The following HPSE2 variants were observed in gnomAD, a reference collection of about 807,000 sequenced individuals.
HPSE2 encodes the protein heparanase 2 (inactive).
A neutral mutation model predicts 60.5 loss-of-function variants in HPSE2; 38 were observed. That is an observed-to-expected ratio of 0.63 (90% CI 0.48 to 0.82). The LOEUF is 0.82. Ranked by LOEUF, HPSE2 falls within the 40% of genes least tolerant of loss-of-function variation. The pLI, the probability that HPSE2 is intolerant of heterozygous loss-of-function variation, is 0.00. For missense variants in HPSE2, 713 were observed against 740.4 expected, an observed-to-expected ratio of 0.96 and a Z score of 0.43; for synonymous variants, 295 against 293.2, an observed-to-expected ratio of 1.01 and a Z score of -0.06.
At chr10:98,914,494 T>C (rs941040966) in intron 3 of HPSE2, among the ~76,000 whole-genome samples, 1 of 151,224 alleles carries the variant, frequency 6.6e-6, no homozygotes, top group Non-Finnish European at 1.5e-5. Context: ...GAAGGAACTA[T>C]AAAATAAAAA....
chr10:99,295,585 T>C, the HPSE2 span, among the ~76,000 whole-genome samples: 2 of 152,218 alleles, frequency 1.3e-5, no homozygotes, highest in Non-Finnish European at 2.9e-5. Flanking sequence ...TAATACTGTA[T>C]TTAACTTTTT....
At chr10:99,245,320 A>T in the HPSE2 span, among the ~76,000 whole-genome samples, 1 of 152,172 alleles carries the variant, frequency 6.6e-6, no homozygotes, top group African/African-American at 2.4e-5. Flanking sequence ...TTGGTTTCTA[A>T]TTTCAGAGAG....
chr10:98,515,655 C>T (rs716838), intron 9 of HPSE2, among the ~76,000 whole-genome samples: 80,630 of 151,942 alleles, frequency 0.53, 22,841 homozygotes, highest in South Asian at 0.66. Flanking sequence ...AGCAGGATTA[C>T]AGAGCATTTT....
chr10:99,280,367 T>G, the HPSE2 span, among the ~76,000 whole-genome samples: 1 of 152,186 alleles, frequency 6.6e-6, no homozygotes, highest in East Asian at 1.9e-4. Flanking sequence ...CTGCAACTTT[T>G]AAAGCACACT....
intron 2 of HPSE2, among the ~76,000 whole-genome samples, chr10:99,213,186 AT>A (rs1194680731): frequency 6.6e-6 from 1 of 152,002 alleles, no homozygotes; most frequent in Non-Finnish European, 1.5e-5. Context: ...TAAGAATGAA[AT>A]TTTTTTTCTA....
chr10:98,702,781 C>T (rs182155349), intron 5 of HPSE2, among the ~76,000 whole-genome samples: 2 of 151,002 alleles, frequency 1.3e-5, no homozygotes, highest in Non-Finnish European at 3.0e-5. Context: ...TGGGACACAG[C>T]TAGAGCAGAG....
rs1375846957 is a variant in HPSE2 at position 98,940,776 on chromosome 10, AC to A, written c.611-196721del. ...GATACCAAAGCTGGGCAGAGACACA[AC>A]CAAAAAAGAGAATTTTAAACCAATA... On this transcript the variant is annotated intron_variant, in intron 3 of 11. Coordinates refer to ENST00000370552, the MANE Select transcript of HPSE2 (RefSeq NM_021828.5). Among the ~76,000 whole-genome samples the A allele has an allele frequency of 2.1e-5, 3 of 142,374 alleles. 1 individual carries two copies. Among genetic ancestry groups the A allele is most frequent in the African/African-American group, 8.7e-5 (3 of 34,330 alleles). The allele number at this position is 142,374 out of a possible 152,430, so 93.4% of individuals were successfully genotyped here.
intron 3 of HPSE2, among the ~76,000 whole-genome samples, chr10:99,060,366 A>C (rs1958209808): frequency 6.6e-6 from 1 of 152,140 alleles, no homozygotes; most frequent in Non-Finnish European, 1.5e-5. Flanking sequence ...CCTTCATAAA[A>C]AACAAAAATA....
intron 6 of HPSE2, among the ~76,000 whole-genome samples, chr10:98,648,452 G>A (rs1332154497): frequency 6.6e-6 from 1 of 152,124 alleles, no homozygotes; most frequent in African/African-American, 2.4e-5. Context: ...CTTAACACAA[G>A]TTGTGGGGCC....
chr10:99,067,347 T>A (rs898256856), intron 3 of HPSE2, among the ~76,000 whole-genome samples: 1 of 152,158 alleles, frequency 6.6e-6, no homozygotes, highest in Non-Finnish European at 1.5e-5. Flanking sequence ...CTCTGGAGAC[T>A]CTGTGTGGGG....
intron 9 of HPSE2, among the ~76,000 whole-genome samples, chr10:98,511,770 G>A (rs1378070533): frequency 2.0e-5 from 3 of 152,134 alleles, no homozygotes; most frequent in Non-Finnish European, 2.9e-5. Flanking sequence ...TGAAGCTGTT[G>A]AGAATGAAAT....
At chr10:99,225,370 A>T (rs1486771590) in intron 2 of HPSE2, among the ~76,000 whole-genome samples, 1 of 151,996 alleles carries the variant, frequency 6.6e-6, no homozygotes, top group Non-Finnish European at 1.5e-5. Context: ...GGGCCCCATT[A>T]ATCTTCCCAG....
At chr10:98,480,438 G>A (rs1941190716) in intron 11 of HPSE2, among the ~76,000 whole-genome samples, 1 of 152,076 alleles carries the variant, frequency 6.6e-6, no homozygotes, top group Non-Finnish European at 1.5e-5. Flanking sequence ...TTATGGTGAT[G>A]GCAAAAGTTG....
intron 9 of HPSE2, among the ~76,000 whole-genome samples, chr10:98,545,713 A>C (rs1943648085): frequency 6.6e-6 from 1 of 151,914 alleles, no homozygotes; most frequent in Admixed American, 6.6e-5. Context: ...ATGGGCAAAA[A>C]CTGGAAGCAT....
intron 3 of HPSE2, among the ~76,000 whole-genome samples, chr10:98,809,743 G>C (rs1451760305): frequency 2.0e-5 from 3 of 152,030 alleles, no homozygotes; most frequent in African/African-American, 7.2e-5. Context: ...TTATATTCTT[G>C]GGAGCATAGA....
intron 5 of HPSE2, among the ~76,000 whole-genome samples, chr10:98,702,998 C>G (rs1948451311): frequency 6.6e-6 from 1 of 152,052 alleles, no homozygotes; most frequent in Non-Finnish European, 1.5e-5. Context: ...AATCCAGGAG[C>G]TGGTTTTTAG....
At chr10:98,966,369 G>C (rs1046009428) in intron 3 of HPSE2, among the ~76,000 whole-genome samples, 16 of 152,152 alleles carry the variant, frequency 1.1e-4, no homozygotes, top group African/African-American at 3.4e-4. Flanking sequence ...CAGGTAGAGA[G>C]ACAGAAAGGC....
intron 3 of HPSE2, among the ~76,000 whole-genome samples, chr10:99,064,008 G>T (rs71486195): frequency 0.099 from 15,113 of 152,198 alleles, 790 homozygotes; most frequent in South Asian, 0.19. Context: ...CAGGAGAATT[G>T]CTTGAACCAG....
At chr10:99,074,397 G>A (rs1216998974) in intron 3 of HPSE2, among the ~76,000 whole-genome samples, 1 of 152,060 alleles carries the variant, frequency 6.6e-6, no homozygotes, top group Non-Finnish European at 1.5e-5. Context: ...GCATCTCAGG[G>A]AAAAATCCCA....
Sources: gnomAD v4.1 joint callset for allele counts (sites outside exome capture counted in the v4.1 genomes callset) on GRCh38, gnomAD v4.1.1 for gene constraint, MANE v1.5 for transcripts, NCBI Gene and HGNC (gene_info 2026-07-23, HGNC 2026-07-21) for gene names.